NPAS3: variants seen among roughly 807,000 people sequenced by gnomAD.
The protein encoded by NPAS3 is neuronal PAS domain protein 3, also known as neuronal PAS domain-containing protein 3.
A neutral mutation model predicts 73.1 loss-of-function variants in NPAS3; 14 were observed. The observed-to-expected ratio is 0.19, with a 90% CI of 0.13 to 0.30. The LOEUF is 0.30. NPAS3 is among the 10% of genes least tolerant of loss of function. The probability of loss-of-function intolerance (pLI) is 1.00; values close to 1 mark genes in which losing one functional copy is unlikely to be tolerated. For synonymous variants in NPAS3, 620 were observed against 541.5 expected (o/e 1.14, Z -2.01); for missense variants, 1,096 against 1,250.0 (o/e 0.88, Z 1.86).
chr14:33,125,070 T>A (rs1340951371), intron 2 of NPAS3, among the ~76,000 whole-genome samples: 1 of 152,080 alleles, frequency 6.6e-6, no homozygotes, highest in Non-Finnish European at 1.5e-5. Context: ...ATGTGTTCTT[T>A]TTCCCACTAA....
At chr14:33,245,381 A>C (rs2048340686) in intron 3 of NPAS3, among the ~76,000 whole-genome samples, 1 of 152,152 alleles carries the variant, frequency 6.6e-6, no homozygotes, top group African/African-American at 2.4e-5. Flanking sequence ...ACCACAATTC[A>C]AACCCAGATA....
At chr14:33,105,038 G>A (rs918159146) in intron 2 of NPAS3, among the ~76,000 whole-genome samples, 2 of 152,024 alleles carry the variant, frequency 1.3e-5, no homozygotes, top group African/African-American at 4.8e-5. Flanking sequence ...TCATGATGTG[G>A]GAAAGCATCT....
At chr14:33,231,647 A>G (rs1369700913) in intron 3 of NPAS3, among the ~76,000 whole-genome samples, 1 of 152,190 alleles carries the variant, frequency 6.6e-6, no homozygotes, top group Non-Finnish European at 1.5e-5. Context: ...ACATGCAAAG[A>G]TACTACACAT....
At chr14:33,077,850 T>C (rs550095769) in intron 2 of NPAS3, among the ~76,000 whole-genome samples, 63 of 145,338 alleles carry the variant, frequency 4.3e-4, no homozygotes, top group Non-Finnish European at 7.8e-4. Context: ...AGAATTCTCA[T>C]TGAAAATACA....
intron 1 of NPAS3, among the ~76,000 whole-genome samples, chr14:32,964,037 A>G (rs899820421): frequency 6.6e-6 from 1 of 152,054 alleles, no homozygotes; most frequent in Non-Finnish European, 1.5e-5. Flanking sequence ...GCAAAATCCA[A>G]AGTGATCACA....
At chr14:33,134,112 C>T (rs890886328) in intron 2 of NPAS3, among the ~76,000 whole-genome samples, 1 of 152,034 alleles carries the variant, frequency 6.6e-6, no homozygotes, top group African/African-American at 2.4e-5. Context: ...AAATTGACTG[C>T]TATTTGGAAT....
intron 1 of NPAS3, among the ~76,000 whole-genome samples, chr14:32,999,436 G>A (rs986951107): frequency 1.3e-5 from 2 of 151,952 alleles, no homozygotes; most frequent in African/African-American, 4.8e-5. Flanking sequence ...GTGTGAACCC[G>A]GGAGGCAGAG....
intron 2 of NPAS3, among the ~76,000 whole-genome samples, chr14:33,134,373 ATTTCAG>A (rs2043756523): frequency 6.6e-6 from 1 of 152,136 alleles, no homozygotes; most frequent in Non-Finnish European, 1.5e-5. Context: ...CGGCGCTATC[ATTTCAG>A]AGTGCTTGAG....
intron 2 of NPAS3, among the ~76,000 whole-genome samples, chr14:33,196,415 A>G (rs553249316): frequency 2.6e-5 from 4 of 152,322 alleles, no homozygotes; most frequent in South Asian, 4.1e-4. Flanking sequence ...ACAGAGGGGA[A>G]GCAAACTCTA....
At chr14:33,146,022 A>G (rs1376766837) in intron 2 of NPAS3, among the ~76,000 whole-genome samples, 1 of 152,186 alleles carries the variant, frequency 6.6e-6, no homozygotes, top group African/African-American at 2.4e-5. Context: ...AGAGTCGCAG[A>G]TGGTTTACAA....
chr14:33,270,538 G>C (rs2041023127), intron 3 of NPAS3, among the ~76,000 whole-genome samples: 1 of 152,146 alleles, frequency 6.6e-6, no homozygotes, highest in Non-Finnish European at 1.5e-5. Context: ...GTGGAAAAGG[G>C]AGAGATGGAA....
At chr14:33,139,980 G>A (rs1249860605) in intron 2 of NPAS3, among the ~76,000 whole-genome samples, 2 of 151,662 alleles carry the variant, frequency 1.3e-5, no homozygotes, top group African/African-American at 4.8e-5. Flanking sequence ...TGAATTTAAG[G>A]GATTTTCATT....
chr14:33,744,962 C>T (rs1246252623), intron 7 of NPAS3, among the ~76,000 whole-genome samples: 2 of 151,994 alleles, frequency 1.3e-5, no homozygotes, highest in East Asian at 1.9e-4. Context: ...GTATCTAGAC[C>T]GTGTGCAGTG....
intron 2 of NPAS3, among the ~76,000 whole-genome samples, chr14:33,107,480 T>TC (rs1262738517): frequency 1.3e-5 from 2 of 152,250 alleles, no homozygotes; most frequent in African/African-American, 4.8e-5. Context: ...AATGTTTAGC[T>TC]CCCACAGATA....
chr14:33,238,357 T>C (rs2048109468), intron 3 of NPAS3, among the ~76,000 whole-genome samples: 1 of 152,086 alleles, frequency 6.6e-6, no homozygotes, highest in Non-Finnish European at 1.5e-5. Flanking sequence ...AAGCATATCC[T>C]TGTTCTTTAC....
intron 4 of NPAS3, among the ~76,000 whole-genome samples, chr14:33,408,346 T>C (rs747696681): frequency 6.6e-6 from 1 of 152,154 alleles, no homozygotes; most frequent in Non-Finnish European, 1.5e-5. Context: ...GAGTATTTCA[T>C]CACTGGCCAA....
At chr14:33,265,640 T>C (rs2040779036) in intron 3 of NPAS3, among the ~76,000 whole-genome samples, 1 of 152,168 alleles carries the variant, frequency 6.6e-6, no homozygotes, top group Non-Finnish European at 1.5e-5. Context: ...TTTCTATACT[T>C]GAGAAAAGTG....
chr14:33,210,511 A>G (rs1350015550), intron 2 of NPAS3, among the ~76,000 whole-genome samples: 1 of 152,102 alleles, frequency 6.6e-6, no homozygotes, highest in Non-Finnish European at 1.5e-5. Flanking sequence ...TGAGCTCTCC[A>G]TGGTCCTGGA....
Position 33,326,568 on chromosome 14 carries a change from A to G in NPAS3, c.386-40618A>G, listed in dbSNP as rs142558606. ...ATGTGTGACAATAAAATGGATTATT[A>G]TATGCAGAAACAGTTTGCAAATTAT... On this transcript the variant is annotated intron_variant, in intron 3 of 11. Transcript: ENST00000356141. Among the ~76,000 whole-genome samples the G allele has an allele frequency of 1.2e-3, 189 of 152,332 alleles. 1 individual carries two copies. Among genetic ancestry groups the G allele is most frequent in the African/African-American group, 4.4e-3 (182 of 41,580 alleles).
Sources: gnomAD v4.1 joint callset for allele counts (sites outside exome capture counted in the v4.1 genomes callset) on GRCh38, gnomAD v4.1.1 for gene constraint, MANE v1.5 for transcripts, NCBI Gene and HGNC (gene_info 2026-07-23, HGNC 2026-07-21) for gene names.